The following HSF5 variants were observed in gnomAD, a reference collection of about 807,000 sequenced individuals.
HSF5 encodes the protein heat shock factor protein 5.
HSF5 carries 5 observed loss-of-function variants against 50.8 expected under a neutral mutation model. That is an observed-to-expected ratio of 0.10 (90% CI 0.05 to 0.21). The LOEUF is 0.21. HSF5 is among the 10% of genes least tolerant of loss of function. The pLI is 1.00. For missense variants in HSF5, 564 were observed against 762.6 expected (o/e 0.74, Z 3.07); for synonymous variants, 307 against 307.4 (o/e 1.00, Z 0.02).
In HSF5 at chr17:58,431,608, A is replaced by G. The variant is rs144802754; in HGVS notation, c.1721-9178T>C. Among the ~76,000 whole-genome samples the G allele has an allele frequency of 5.8e-3, 884 of 152,304 alleles. 4 individuals are homozygous for G. The highest frequency in any genetic ancestry group is 9.3e-3 in the African/African-American group (387 of 41,558). ...CTGTAAGACCCTGACTAATACACAT[A>G]CCAAAACATATCTTAGTTTTCAGTA... On this transcript the variant is annotated intron_variant, in intron 5 of 5. Coordinates refer to ENST00000323777, the MANE Select transcript of HSF5 (RefSeq NM_001080439.3).
chr17:58,425,115 G>A (rs1974277379), intron 5 of HSF5, among the ~76,000 whole-genome samples: 1 of 151,914 alleles, frequency 6.6e-6, no homozygotes, highest in Non-Finnish European at 1.5e-5. Context: ...TGGTTACAAT[G>A]AGGCCGGGTG....
At chr17:58,452,539 G>A (rs549772205) in intron 5 of HSF5, among the ~76,000 whole-genome samples, 26 of 152,102 alleles carry the variant, frequency 1.7e-4, no homozygotes, top group African/African-American at 5.8e-4. Context: ...GCCTCGCATG[G>A]TGGCTCATGC....
At chr17:58,456,020 A>G (rs1974706294) in intron 5 of HSF5, among the ~76,000 whole-genome samples, 2 of 152,166 alleles carry the variant, frequency 1.3e-5, no homozygotes, top group African/African-American at 2.4e-5. Context: ...TGTTGAAGAG[A>G]CATCTCCACA....
At chr17:58,451,219 A>T (rs1974636902) in intron 5 of HSF5, among the ~76,000 whole-genome samples, 1 of 152,206 alleles carries the variant, frequency 6.6e-6, no homozygotes, top group Admixed American at 6.5e-5. Flanking sequence ...AAAAGGAGAG[A>T]TCAACTGCAA....
At position 58,473,869 on chromosome 17, in the gene HSF5, A is replaced by AT. The variant is rs879322031; in HGVS notation, c.925+6023dup. On this transcript the variant is annotated intron_variant, in intron 2 of 5. Transcript: ENST00000323777. The stretch of plus-strand genomic sequence containing the variant: ...GATCCAAGTTTATTTTTATAACACA[A>AT]TTTTTTTTTTTTGAGACAAGGTCTT... Among the ~76,000 whole-genome samples the AT allele has an allele frequency of 1.9e-3, 287 of 147,510 alleles. 1 individual carries two copies. The highest frequency in any genetic ancestry group is 3.5e-3 in the Middle Eastern group (1 of 284).
intron 5 of HSF5, among the ~76,000 whole-genome samples, chr17:58,449,460 G>A (rs1299719680): frequency 6.6e-6 from 1 of 152,176 alleles, no homozygotes; most frequent in Admixed American, 6.6e-5. Context: ...AACACTTCTG[G>A]AGACCGAGGC....
At chr17:58,466,208 T>C (rs895355122) in intron 3 of HSF5, among the ~76,000 whole-genome samples, 2 of 152,200 alleles carry the variant, frequency 1.3e-5, no homozygotes, top group Non-Finnish European at 2.9e-5. Flanking sequence ...TAAGGGATAC[T>C]GAACCATTAT....
At position 58,447,735 on chromosome 17, in the gene HSF5, TC is replaced by T. The variant is rs201967074; in HGVS notation, c.1720+11032del. Among the ~76,000 whole-genome samples the T allele has an allele frequency of 9.1e-3, 1,381 of 152,210 alleles. 24 individuals are homozygous for T. The highest frequency in any genetic ancestry group is 0.03 in the African/African-American group (1,264 of 41,520). ...CAGGCTTAGGGAACTCAACAGGCAG[TC>T]CTCTTTGAATTTCTGGAAGGCCCTC... On this transcript the variant is annotated intron_variant, in intron 5 of 5. Transcript: ENST00000323777.
rs760412909 is a variant in HSF5 at position 58,463,249 on chromosome 17, A to T, written c.1075T>A (p.Cys359Ser). ...PVEFLPSNWP[C>S]STTDENTKTE... is the part of the protein sequence containing the mutation. ...TTTGTATTTTCATCAGTAGTACTGC[A>T]GGGCCAATTGGAAGGCAAAAATTCA... The change falls in exon 4 of 6, where the codon TGC becomes AGC. Residue 359 changes from cysteine (C) to serine (S), a missense_variant. Cys to Ser is a moderately radical substitution (Grantham distance 112, BLOSUM62 -1). Around this residue, in one of 5 missense-constraint regions of HSF5, gnomAD observed 441 missense variants for 533.6 expected, o/e 0.83. Coordinates refer to ENST00000323777, the MANE Select transcript of HSF5 (RefSeq NM_001080439.3). The T allele has an allele frequency of 6.2e-7, 1 of 1,614,070 alleles. No individual in the cohort carries two copies. Among genetic ancestry groups the T allele is most frequent in the South Asian group, 1.1e-5 (1 of 91,074 alleles).
chr17:58,481,158 T>G (rs1433200038), intron 1 of HSF5, among the ~76,000 whole-genome samples: 1 of 152,196 alleles, frequency 6.6e-6, no homozygotes, highest in Admixed American at 6.5e-5. Flanking sequence ...AGTTTCCTCC[T>G]TCATCCCTTA....
intron 2 of HSF5, among the ~76,000 whole-genome samples, chr17:58,471,361 C>G (rs1343687121): frequency 1.3e-5 from 2 of 152,132 alleles, no homozygotes; most frequent in Non-Finnish European, 2.9e-5. Context: ...AGAAGCAATA[C>G]AGACTGCCTG....
At chr17:58,427,088 T>G (rs546314266) in intron 5 of HSF5, among the ~76,000 whole-genome samples, 1 of 151,872 alleles carries the variant, frequency 6.6e-6, no homozygotes, top group South Asian at 2.1e-4. Context: ...CCTGTCTCTA[T>G]AAAAAAATAA....
Position 58,487,843 on chromosome 17 carries a change from C to T in HSF5, c.432G>A (p.Val144=). 2 of 1,585,762 alleles carry T rather than the reference C, an allele frequency of 1.3e-6. No homozygotes were observed. The highest frequency in any genetic ancestry group is 1.7e-6 in the Non-Finnish European group (2 of 1,172,614). The change falls in exon 1 of 6, where the codon GTG becomes GTA. Residue 144 remains valine, a synonymous_variant. Coordinates refer to ENST00000323777, the MANE Select transcript of HSF5 (RefSeq NM_001080439.3). Reference sequence around the variant, plus strand: ...GGAAGCGGTTGGGCGGGCGGCAGGGCACCTCCAGGCCGGCCGCCAGCTTGG... The same window carrying T: ...GGAAGCGGTTGGGCGGGCGGCAGGGTACCTCCAGGCCGGCCGCCAGCTTGG... ...NKAKLAAGLE[V]PCRPPNRFQR... is the part of the protein sequence containing the mutation.
chr17:58,453,333 C>T (rs1974665994), intron 5 of HSF5, among the ~76,000 whole-genome samples: 1 of 152,178 alleles, frequency 6.6e-6, no homozygotes. Context: ...GTGGCTCACG[C>T]CTGCAATCCC....
intron 5 of HSF5, among the ~76,000 whole-genome samples, chr17:58,430,485 T>A (rs1974349163): frequency 6.6e-6 from 1 of 152,194 alleles, no homozygotes; most frequent in Non-Finnish European, 1.5e-5. Flanking sequence ...CACCATCCAG[T>A]CAGCCAGGGG....
In HSF5 at chr17:58,488,060, A is replaced by G; in HGVS notation, c.215T>C (p.Phe72Ser). ...GAAGCTGGTGAAGCTGGTGGTTTTG[A>G]AGAGCTCGGGCTCGGCCCCGGCCCC... ...TAGAGAEPEL[F>S]KTTSFTSFIR... Residue 72 changes from phenylalanine (F) to serine (S), a missense_variant, in exon 1 of 6, where the codon TTC becomes TCC. Transcript: ENST00000323777. The surrounding 1 kb of genome is among the most constrained non-coding windows in gnomAD (Gnocchi z 4.1). 1 of 1,597,572 alleles carries G rather than the reference A, an allele frequency of 6.3e-7. No individual in the cohort carries two copies.
At chr17:58,476,768 T>C (rs1975017307) in intron 2 of HSF5, 6 of 1,598,418 alleles carry the variant, frequency 3.8e-6, no homozygotes, top group Non-Finnish European at 8.6e-7. Flanking sequence ...GCGGAGTTTG[T>C]TATATTTCTG....
chr17:58,476,493 A>G, intron 2 of HSF5: 1 of 1,124,640 alleles, frequency 8.9e-7, no homozygotes, highest in Non-Finnish European at 1.4e-6. Context: ...TGGACTTTGA[A>G]GATGGATCAC....
At chr17:58,476,810 T>C (rs1975017951) in intron 2 of HSF5, 1 of 1,579,982 alleles carries the variant, frequency 6.3e-7, no homozygotes, top group African/African-American at 1.4e-5. Context: ...ACTGGCTTGT[T>C]CATTAAGTCT....
Sources: allele counts gnomAD v4.1 joint callset (sites outside exome capture counted in the v4.1 genomes callset), GRCh38; gene constraint gnomAD v4.1.1; regional missense constraint gnomAD v4.1.1; non-coding constraint Gnocchi (gnomAD v3.1); transcripts MANE v1.5; gene names NCBI Gene and HGNC (gene_info 2026-07-23, HGNC 2026-07-21).